The following POLR3A variants were observed in gnomAD, a reference collection of about 807,000 sequenced individuals.
POLR3A encodes the protein DNA-directed RNA polymerase III subunit RPC1.
POLR3A carries 112 observed loss-of-function variants against 152.8 expected under a neutral mutation model. The observed-to-expected ratio is 0.73, with a 90% CI of 0.63 to 0.86. The LOEUF is 0.86. Ranked by LOEUF, POLR3A falls within the 40% of genes least tolerant of loss-of-function variation. POLR3A has a pLI of 0.00. For synonymous variants in POLR3A, 615 were observed against 652.1 expected (o/e 0.94, Z 0.87); for missense variants, 1,385 against 1,743.1 (o/e 0.79, Z 3.66).
chr10:78,022,516 G>T (rs1223788777), intron 5 of POLR3A, 132 bp from the exon 6 acceptor site: 3 of 945,984 alleles, frequency 3.2e-6, no homozygotes, highest in Non-Finnish European at 4.9e-6. Flanking sequence ...TTCTATGGAT[G>T]ATACGCTATG....
At chr10:78,025,934 T>C (rs1011801388) in intron 2 of POLR3A, among the ~76,000 whole-genome samples, 160 bp downstream of exon 2, 10 of 152,212 alleles carry the variant, frequency 6.6e-5, no homozygotes, top group Non-Finnish European at 1.0e-4. Context: ...CAGAATCGAA[T>C]CAGGTTGCTG....
chr10:78,021,736 G>C, intron 7 of POLR3A, 54 bp from the exon 8 acceptor site: 5 of 1,611,744 alleles, frequency 3.1e-6, no homozygotes, highest in Non-Finnish European at 4.2e-6. Flanking sequence ...GTGCTCATGG[G>C]AACAATAAGA....
At chr10:78,015,799 G>A (rs1564621534) in intron 10 of POLR3A, among the ~76,000 whole-genome samples, 1 of 152,118 alleles carries the variant, frequency 6.6e-6, no homozygotes, top group African/African-American at 2.4e-5. Context: ...TGGGGCTATA[G>A]GTGTGTGCCA....
rs1564615967 is a variant in POLR3A at position 77,993,118 on chromosome 10, T to G, written c.2787+79A>C. 2.8e-6 allele frequency: 3 copies of G among 1,054,082 alleles called. No homozygotes were observed. The South Asian group carries it at 3.8e-5, about 13-fold the overall frequency. 65.3% of individuals were successfully genotyped at this position (1,054,082 alleles called of 1,614,324 possible). ...TACTGAAGTATTTATTAACTGCAAT[T>G]GATAGTCCAAACAGTACTTCCGTCC... On this transcript the variant is annotated intron_variant, in intron 20 of 30. Transcript: ENST00000372371.
In POLR3A at chr10:78,024,985, C is replaced by T. The variant is rs746103631; in HGVS notation, c.476G>A (p.Cys159Tyr). ...KCRKKNICHH[C>Y]GAFNGTVKKC... The stretch of plus-strand genomic sequence containing the variant: ...ATTCCACTCACCATTAAAAGCGCCA[C>T]AGTGATGGCAGATGTTTTTCTTCCG... The change falls in exon 4 of 31, where the codon TGT becomes TAT. Residue 159 changes from cysteine (C) to tyrosine (Y), a missense_variant. Around this residue, in one of 7 missense-constraint regions of POLR3A, gnomAD observed 493 missense variants for 647.5 expected, o/e 0.76. Transcript: ENST00000372371. 1 of 1,614,216 alleles carries T rather than the reference C, an allele frequency of 6.2e-7. No individual in the cohort carries two copies. Among genetic ancestry groups the T allele is most frequent in the Non-Finnish European group, 8.5e-7 (1 of 1,180,032 alleles).
rs144946862 is a variant in POLR3A at position 78,009,603 on chromosome 10, C to A, written c.1843G>T (p.Ala615Ser). 1 of 1,614,182 alleles carries A rather than the reference C, an allele frequency of 6.2e-7. No homozygotes were observed. The change falls in exon 14 of 31, where the codon GCC becomes TCC. Residue 615 changes from alanine (A) to serine (S), a missense_variant. Ala to Ser is a moderately conservative substitution (Grantham distance 99, BLOSUM62 1). This residue lies in a region of POLR3A where 188 missense variants were observed against 179.9 expected (regional missense o/e 1.04). Coordinates refer to ENST00000372371, the MANE Select transcript of POLR3A (RefSeq NM_007055.4). ...TGCTTGCCCTTGGTTCGCAGGTTGG[C>A]CCTCACTGGATTGTCATCGCTAGGC... Reference protein sequence around the residue: ...LRPSDDNPVRANLRTKGKQYC... With the variant: ...LRPSDDNPVRSNLRTKGKQYC...
chr10:78,013,558 G>T (rs963671314), intron 11 of POLR3A, 92 bp downstream of exon 11: 5 of 1,303,172 alleles, frequency 3.8e-6, no homozygotes, highest in South Asian at 1.2e-5. Flanking sequence ...CTTCTTTGGC[G>T]TTGTTAGTTG....
rs868792232 is a variant in POLR3A, at chr10:78,029,446, G to C, written c.-39C>G. 2 of 1,611,870 alleles carry C rather than the reference G, an allele frequency of 1.2e-6. No homozygotes were observed. The highest frequency in any genetic ancestry group is 1.7e-4 in the Middle Eastern group (1 of 6,060). On this transcript the variant is annotated 5_prime_UTR_variant, in exon 1 of 31. Transcript: ENST00000372371. ...GGGACGCCTCCTTGGCACTCGGGAG[G>C]CCAGATTAGAGAAACGATGCCCCCA... is the stretch of plus-strand genomic sequence containing the variant.
chr10:78,024,766 G>A lies in POLR3A; in HGVS notation c.491-63C>T, dbSNP rs950236715. On this transcript the variant is annotated intron_variant, in intron 4 of 30. Coordinates refer to ENST00000372371, the MANE Select transcript of POLR3A (RefSeq NM_007055.4). ...TATGTTCTCAGATTGGCCAGAGATT[G>A]TAGTATGGTTAATGAAATTACTGAA... 26 of 1,478,458 alleles carry A rather than the reference G, an allele frequency of 1.8e-5. No individual in the cohort carries two copies. In the African/African-American group the frequency reaches 3.6e-4, roughly 21 times the overall value. 91.6% of individuals were successfully genotyped at this position (1,478,458 alleles called of 1,614,324 possible).
Position 77,975,301 on chromosome 10 carries a change from C to G in POLR3A, c.*2177G>C, listed in dbSNP as rs968020823. The G allele has an allele frequency of 6.6e-6, 1 of 152,294 alleles. No homozygotes were observed. The highest frequency in any genetic ancestry group is 1.9e-4 in the East Asian group (1 of 5,176). 9.4% of individuals were successfully genotyped at this position (152,294 alleles called of 1,614,324 possible). A position where few individuals can be genotyped will look rare whatever the true frequency, so the allele number is the denominator to read the frequency against. ...CCAAGGCCTGGGCAGGGCAGATGAT[C>G]AAAGTAGGGAGAATTTTAACACCAG... On this transcript the variant is annotated 3_prime_UTR_variant, in exon 31 of 31. Coordinates refer to ENST00000372371, the MANE Select transcript of POLR3A (RefSeq NM_007055.4).
At position 77,985,931 on chromosome 10, in the gene POLR3A, G is replaced by A. The variant is rs1376486657; in HGVS notation, c.3043C>T (p.Leu1015=). Residue 1015 remains leucine (L), a synonymous_variant, in exon 23 of 31, where the codon CTG becomes TTG. Transcript: ENST00000372371. The part of the protein sequence containing the change: ...RITPTQVEKF[L]ETCRDKYMRA... ...ATGTACTTGTCCCTACAGGTCTCCA[G>A]AAACTTTTCTACTTGGGTGGGGGTG... The A allele has an allele frequency of 6.2e-7, 1 of 1,614,090 alleles. No homozygotes were observed. The highest frequency in any genetic ancestry group is 1.1e-5 in the South Asian group (1 of 91,076).
chr10:78,022,563 C>T (rs1168695000), intron 5 of POLR3A, among the ~76,000 whole-genome samples, 179 bp from the exon 6 acceptor site: 1 of 152,140 alleles, frequency 6.6e-6, no homozygotes, highest in Non-Finnish European at 1.5e-5. Flanking sequence ...TCTTTTATTC[C>T]AATTTTTCAA....
chr10:78,013,368 C>T lies in POLR3A; in HGVS notation c.1572+282G>A. Reference sequence around the variant, plus strand: ...TTGTCATAACTGGCCCTCATGTATACATTTTCTCCCAGAACCCACATTTAT... The same window carrying T: ...TTGTCATAACTGGCCCTCATGTATATATTTTCTCCCAGAACCCACATTTAT... On this transcript the variant is annotated intron_variant, in intron 11 of 30. Transcript: ENST00000372371. The T allele has an allele frequency of 6.7e-6, 3 of 448,514 alleles. No homozygotes were observed. The South Asian group carries it at 6.8e-5, about 10-fold the overall frequency. The allele number at this position is 448,514 out of a possible 1,614,324, so 27.8% of individuals were successfully genotyped here.
chr10:78,001,640 G>A (rs1029336199), intron 17 of POLR3A, among the ~76,000 whole-genome samples: 12 of 151,996 alleles, frequency 7.9e-5, no homozygotes, highest in African/African-American at 2.2e-4. Context: ...TGAGGGCCTC[G>A]GTATCTACAA....
rs1416271322 is a variant in POLR3A at position 77,976,093 on chromosome 10, A to AT, written c.*1384dup. 2.6e-5 allele frequency: 4 copies of AT among 151,562 alleles called. No individual in the cohort carries two copies. Among genetic ancestry groups the AT allele is most frequent in the African/African-American group, 7.3e-5 (3 of 41,220 alleles). 9.4% of individuals were successfully genotyped at this position (151,562 alleles called of 1,614,324 possible). On this transcript the variant is annotated 3_prime_UTR_variant, in exon 31 of 31. Coordinates refer to ENST00000372371, the MANE Select transcript of POLR3A (RefSeq NM_007055.4). ...AGGGAAATCAAAAGGTCAAACTATAATTTTTTATAAAAACTAATTTTTTTT... is the reference window on the plus strand; with the variant it reads ...AGGGAAATCAAAAGGTCAAACTATAATTTTTTTATAAAAACTAATTTTTTTT...
At chr10:77,982,619 G>A (rs781525496) in intron 27 of POLR3A, 34 bp downstream of exon 27, 1 of 1,599,106 alleles carries the variant, frequency 6.3e-7, no homozygotes, top group South Asian at 1.1e-5. Context: ...ACAGGGAGAT[G>A]CTGGGTCTCC....
intron 1 of POLR3A, among the ~76,000 whole-genome samples, chr10:78,027,392 G>C (rs1325899237): frequency 6.6e-5 from 10 of 152,204 alleles, no homozygotes; most frequent in South Asian, 2.1e-4. Flanking sequence ...GGGTGCGGTG[G>C]CTCATGCCTG....
chr10:78,014,241 T>A (rs1212067823), intron 10 of POLR3A, among the ~76,000 whole-genome samples: 1 of 151,980 alleles, frequency 6.6e-6, no homozygotes, highest in Non-Finnish European at 1.5e-5. Context: ...GGCGCCAGTG[T>A]GAAGGCTCCC....
At chr10:77,996,204 A>C (rs1234230405) in intron 19 of POLR3A, among the ~76,000 whole-genome samples, 5 of 152,324 alleles carry the variant, frequency 3.3e-5, no homozygotes, top group African/African-American at 1.2e-4. Flanking sequence ...CCACAAGAGA[A>C]AGCAGGAAAG....
Sources: gnomAD v4.1 joint callset for allele counts (sites outside exome capture counted in the v4.1 genomes callset) on GRCh38, gnomAD v4.1.1 for gene constraint, gnomAD v4.1.1 regional missense constraint, MANE v1.5 for transcripts, NCBI Gene and HGNC (gene_info 2026-07-23, HGNC 2026-07-21) for gene names.